Variants in HIVEP1 observed in about 807,000 individuals in gnomAD.
HIVEP1 encodes the protein HIVEP zinc finger 1.
In HIVEP1, 36 loss-of-function variants were observed where a neutral mutation model predicts 180.0. That is an observed-to-expected ratio of 0.20 (90% CI 0.15 to 0.26). HIVEP1 has a LOEUF of 0.26. HIVEP1 is among the 10% of genes least tolerant of loss of function. HIVEP1 has a pLI of 1.00. For synonymous variants in HIVEP1, 1,239 were observed against 1,239.0 expected (o/e 1.00, Z 0.00); for missense variants, 3,143 against 3,268.7 (o/e 0.96, Z 0.94).
the HIVEP1 span, among the ~76,000 whole-genome samples, chr6:12,198,852 A>G: frequency 6.6e-6 from 1 of 152,248 alleles, no homozygotes; most frequent in Admixed American, 6.5e-5. Context: ...CCTTCACGGA[A>G]GTATCTAGAA....
At chr6:12,021,289 C>T (rs545862215) in intron 2 of HIVEP1, among the ~76,000 whole-genome samples, 1 of 152,194 alleles carries the variant, frequency 6.6e-6, no homozygotes, top group Non-Finnish European at 1.5e-5. Flanking sequence ...TTGTTCTCCA[C>T]GGCATCTTGT....
At chr6:12,097,811 T>C (rs959085709) in intron 3 of HIVEP1, among the ~76,000 whole-genome samples, 7 of 152,144 alleles carry the variant, frequency 4.6e-5, no homozygotes, top group African/African-American at 1.7e-4. Flanking sequence ...TGTAGTACAT[T>C]AATGTAAAAT....
chr6:12,177,186 A>G, the HIVEP1 span, among the ~76,000 whole-genome samples: 1 of 152,150 alleles, frequency 6.6e-6, no homozygotes, highest in Non-Finnish European at 1.5e-5. Flanking sequence ...GGGAGGAGGG[A>G]GAGGAGCAGA....
intron 2 of HIVEP1, among the ~76,000 whole-genome samples, chr6:12,046,230 G>A (rs1770105643): frequency 1.3e-5 from 2 of 152,208 alleles, no homozygotes; most frequent in African/African-American, 4.8e-5. Flanking sequence ...CTAAACTTGA[G>A]TAGCAGTCTA....
the HIVEP1 span, among the ~76,000 whole-genome samples, chr6:12,170,329 A>G: frequency 3.3e-5 from 5 of 152,092 alleles, no homozygotes; most frequent in East Asian, 7.8e-4. Context: ...AGAGAATGAG[A>G]CATTTAAATA....
chr6:12,128,928 T>G (rs1166831619), intron 4 of HIVEP1, among the ~76,000 whole-genome samples: 1 of 152,184 alleles, frequency 6.6e-6, no homozygotes, highest in East Asian at 1.9e-4. Flanking sequence ...ATTATGGTTT[T>G]AGCTGGGCAT....
the HIVEP1 span, among the ~76,000 whole-genome samples, chr6:12,172,904 A>T: frequency 6.6e-6 from 1 of 151,928 alleles, no homozygotes; most frequent in Admixed American, 6.6e-5. Context: ...AAAACATCCC[A>T]TTTAAATTTT....
chr6:12,099,349 G>C (rs569740135), intron 3 of HIVEP1, among the ~76,000 whole-genome samples: 1 of 151,916 alleles, frequency 6.6e-6, no homozygotes, highest in Non-Finnish European at 1.5e-5. Flanking sequence ...TGTAGTTTTA[G>C]TAGAGACGGG....
the HIVEP1 span, among the ~76,000 whole-genome samples, chr6:12,178,300 G>A: frequency 0.021 from 3,211 of 152,312 alleles, 127 homozygotes; most frequent in African/African-American, 0.073. Flanking sequence ...CAAACTGTGA[G>A]AATAAGATCC....
At chr6:12,194,445 C>G in the HIVEP1 span, among the ~76,000 whole-genome samples, 426 of 152,090 alleles carry the variant, frequency 2.8e-3, 4 homozygotes, top group African/African-American at 9.9e-3. Flanking sequence ...TATGACCAAC[C>G]AGGAGGTCTC....
chr6:12,058,851 T>C (rs1771045056), intron 2 of HIVEP1, among the ~76,000 whole-genome samples: 1 of 152,206 alleles, frequency 6.6e-6, no homozygotes, highest in African/African-American at 2.4e-5. Flanking sequence ...TAAATATCTA[T>C]GTAAGTATGT....
At chr6:12,116,915 AAT>A (rs1775251337) in intron 3 of HIVEP1, among the ~76,000 whole-genome samples, 1 of 152,244 alleles carries the variant, frequency 6.6e-6, no homozygotes, top group Non-Finnish European at 1.5e-5. Context: ...GTTCAAACTT[AAT>A]ATGAGACAAT....
chr6:12,015,285 G>C (rs1252036298), intron 1 of HIVEP1, among the ~76,000 whole-genome samples: 1 of 152,174 alleles, frequency 6.6e-6, no homozygotes, highest in African/African-American at 2.4e-5. Flanking sequence ...AAAACACAAA[G>C]TGAGTTTTTT....
the HIVEP1 span, among the ~76,000 whole-genome samples, chr6:12,171,847 G>A: frequency 6.6e-6 from 1 of 152,188 alleles, no homozygotes; most frequent in Non-Finnish European, 1.5e-5. Context: ...AAGACTGCAA[G>A]GTTAAACATT....
chr6:12,052,708 C>A (rs550888224), intron 2 of HIVEP1, among the ~76,000 whole-genome samples: 66 of 152,290 alleles, frequency 4.3e-4, no homozygotes, highest in African/African-American at 1.5e-3. Flanking sequence ...GGAATTGAGC[C>A]TCAGTTTTGT....
rs147157054 is a variant in HIVEP1 at position 12,099,532 on chromosome 6, C to T, written c.94+10295C>T. 3.6e-4 allele frequency among the ~76,000 whole-genome samples: 55 copies of T among 152,110 alleles called. No individual in the cohort carries two copies. In the Middle Eastern group the frequency reaches 0.014, roughly 38 times the overall value. Reference sequence around the variant, plus strand: ...GGCCCACCCCACATCATGTAGTTAGCCATTTAGTAACTGTTTAACATGACC... The same window carrying T: ...GGCCCACCCCACATCATGTAGTTAGTCATTTAGTAACTGTTTAACATGACC... On this transcript the variant is annotated intron_variant, in intron 3 of 8. Transcript: ENST00000379388.
intron 2 of HIVEP1, among the ~76,000 whole-genome samples, chr6:12,025,118 A>G (rs137928796): frequency 6.6e-5 from 10 of 152,312 alleles, no homozygotes; most frequent in East Asian, 1.9e-4. Flanking sequence ...AAAGATTGCT[A>G]TTTGCCCAGG....
chr6:12,135,518 G>A (rs555268356), intron 6 of HIVEP1, among the ~76,000 whole-genome samples: 1 of 152,246 alleles, frequency 6.6e-6, no homozygotes, highest in African/African-American at 2.4e-5. Context: ...AATGTCCCAA[G>A]AAATAAATAA....
At position 12,105,126 on chromosome 6, in the gene HIVEP1, C is replaced by A. The variant is rs116274191; in HGVS notation, c.95-14764C>A. 7.0e-3 allele frequency among the ~76,000 whole-genome samples: 1,070 copies of A among 152,316 alleles called. 11 individuals are homozygous for A. The highest frequency in any genetic ancestry group is 0.025 in the African/African-American group (1,032 of 41,566). On this transcript the variant is annotated intron_variant, in intron 3 of 8. Coordinates refer to ENST00000379388, the MANE Select transcript of HIVEP1 (RefSeq NM_002114.4). ...TTCGCCAGGCTTCTAGGAGAACTGA[C>A]AATCTAAGATTCATCTTAATTGAGT...
Sources: gnomAD v4.1 joint callset for allele counts (sites outside exome capture counted in the v4.1 genomes callset) on GRCh38, gnomAD v4.1.1 for gene constraint, MANE v1.5 for transcripts, NCBI Gene and HGNC (gene_info 2026-07-23, HGNC 2026-07-21) for gene names.